MAMDC2: variants seen among roughly 807,000 people sequenced by gnomAD.
The protein encoded by MAMDC2 is MAM domain containing 2, also known as MAM domain-containing protein 2.
A neutral mutation model predicts 89.8 loss-of-function variants in MAMDC2; 57 were observed. The ratio of observed to expected loss-of-function variants is 0.63; its 90% CI spans 0.51 to 0.79. The LOEUF is 0.79. MAMDC2 is among the 30% of genes least tolerant of loss of function. The probability of loss-of-function intolerance (pLI) is 0.00; values close to 1 mark genes in which losing one functional copy is unlikely to be tolerated. For missense variants in MAMDC2, 800 were observed against 820.6 expected (o/e 0.97, Z 0.31); for synonymous variants, 313 against 293.4 (o/e 1.07, Z -0.68).
chr9:70,047,651 T>C (rs1402325860), intron 2 of MAMDC2, among the ~76,000 whole-genome samples: 1 of 152,214 alleles, frequency 6.6e-6, no homozygotes, highest in Non-Finnish European at 1.5e-5. Flanking sequence ...TAAATAGTGC[T>C]GCAATAAACA....
In MAMDC2 at chr9:70,044,720, G is replaced by A. The variant is rs1004290307; in HGVS notation, c.148+23G>A. Reference sequence around the variant, plus strand: ...AAGGTAAGGAGGCTCGGTGGAGAGGGGCGCGAAGTGAACTTTCTTCCTTGA... The same window carrying A: ...AAGGTAAGGAGGCTCGGTGGAGAGGAGCGCGAAGTGAACTTTCTTCCTTGA... On this transcript the variant is annotated intron_variant, in intron 2 of 13. Transcript: ENST00000377182. 21 of 1,510,438 alleles carry A rather than the reference G, an allele frequency of 1.4e-5. 1 individual carries two copies. Among genetic ancestry groups the A allele is most frequent in the Middle Eastern group, 1.7e-4 (1 of 5,928 alleles). 93.6% of individuals were successfully genotyped at this position (1,510,438 alleles called of 1,614,324 possible).
intron 2 of MAMDC2, among the ~76,000 whole-genome samples, chr9:70,078,611 G>T (rs1010390847): frequency 7.9e-5 from 12 of 152,156 alleles, no homozygotes; most frequent in Admixed American, 7.2e-4. Flanking sequence ...GGTGTGGGTT[G>T]TAGTACCCTG....
At chr9:70,104,009 A>G (rs1273827410) in intron 2 of MAMDC2, among the ~76,000 whole-genome samples, 1 of 152,088 alleles carries the variant, frequency 6.6e-6, no homozygotes, top group Non-Finnish European at 1.5e-5. Flanking sequence ...AGGTGAAAAG[A>G]CAAAGCACAG....
intron 2 of MAMDC2, among the ~76,000 whole-genome samples, chr9:70,056,700 AC>A (rs1827032253): frequency 1.3e-5 from 2 of 152,168 alleles, no homozygotes; most frequent in Admixed American, 1.3e-4. Context: ...ACAGATCGGT[AC>A]CGGTCTACTA....
intron 9 of MAMDC2, among the ~76,000 whole-genome samples, chr9:70,163,773 G>C (rs188957448): frequency 1.3e-5 from 2 of 151,506 alleles, no homozygotes; most frequent in African/African-American, 4.9e-5. Context: ...GGGCAACAAG[G>C]TGAAACCCTG....
chr9:70,116,495 C>T (rs575895762), intron 5 of MAMDC2, among the ~76,000 whole-genome samples: 3 of 87,448 alleles, frequency 3.4e-5, no homozygotes, highest in Non-Finnish European at 8.7e-5. Context: ...CCCTTAATTT[C>T]TTAGTGTCTC....
At chr9:70,182,887 C>A (rs2032674999) in intron 11 of MAMDC2, among the ~76,000 whole-genome samples, 1 of 152,060 alleles carries the variant, frequency 6.6e-6, no homozygotes, top group Non-Finnish European at 1.5e-5. Flanking sequence ...TTCTTGTCTT[C>A]TAGCTTTTGA....
chr9:70,168,648 G>T (rs2032239156), intron 9 of MAMDC2, 54 bp from the exon 10 acceptor site: 2 of 1,445,124 alleles, frequency 1.4e-6, no homozygotes, highest in African/African-American at 1.4e-5. Context: ...AGGTTGTTAG[G>T]AGTTTCCAGT....
At chr9:70,205,359 AAGTAT>A (rs2033203599) in intron 11 of MAMDC2, among the ~76,000 whole-genome samples, 1 of 152,206 alleles carries the variant, frequency 6.6e-6, no homozygotes, top group African/African-American at 2.4e-5. Flanking sequence ...AATCACTTAA[AAGTAT>A]AGTAAAGAGA....
chr9:70,206,622 T>C (rs914808897), intron 11 of MAMDC2, among the ~76,000 whole-genome samples: 1 of 152,086 alleles, frequency 6.6e-6, no homozygotes, highest in Admixed American at 6.6e-5. Flanking sequence ...TTTTTTTTGG[T>C]ATATATCTTT....
chr9:70,195,669 T>C (rs937414780), intron 11 of MAMDC2, among the ~76,000 whole-genome samples: 3 of 152,096 alleles, frequency 2.0e-5, no homozygotes, highest in African/African-American at 4.8e-5. Flanking sequence ...TCTCTGACCA[T>C]GAGTCACTTA....
intron 2 of MAMDC2, among the ~76,000 whole-genome samples, chr9:70,053,493 C>T (rs1826959817): frequency 6.6e-6 from 1 of 152,190 alleles, no homozygotes; most frequent in Non-Finnish European, 1.5e-5. Flanking sequence ...GTCATGGTCC[C>T]TGCCCTTGGT....
chr9:70,100,246 CA>C (rs1828149945), intron 2 of MAMDC2, among the ~76,000 whole-genome samples: 1 of 152,040 alleles, frequency 6.6e-6, no homozygotes, highest in Non-Finnish European at 1.5e-5. Context: ...CTCACTTTAC[CA>C]AAGAAGAAAG....
chr9:70,142,645 T>C (rs2871291), intron 8 of MAMDC2, among the ~76,000 whole-genome samples: 19,477 of 152,004 alleles, frequency 0.13, 1,406 homozygotes, highest in South Asian at 0.24. Flanking sequence ...TGAGGGGTCT[T>C]TTCCTGGCTT....
At chr9:70,144,131 GTC>G (rs2031318167) in intron 9 of MAMDC2, among the ~76,000 whole-genome samples, 2 of 149,104 alleles carry the variant, frequency 1.3e-5, no homozygotes, top group Non-Finnish European at 3.0e-5. Flanking sequence ...TGAAACTTTA[GTC>G]ATAATTCTCT....
intron 11 of MAMDC2, among the ~76,000 whole-genome samples, chr9:70,186,364 T>C (rs2032755587): frequency 6.6e-6 from 1 of 152,156 alleles, no homozygotes; most frequent in Non-Finnish European, 1.5e-5. Flanking sequence ...TTTCAGTTTT[T>C]GTTTGTCTGG....
At chr9:70,074,992 G>A (rs1827499603) in intron 2 of MAMDC2, among the ~76,000 whole-genome samples, 1 of 152,164 alleles carries the variant, frequency 6.6e-6, no homozygotes, top group Non-Finnish European at 1.5e-5. Context: ...CAGGAGTTCT[G>A]TTACCATGGA....
chr9:70,191,314 G>C (rs185982451), intron 11 of MAMDC2, among the ~76,000 whole-genome samples: 24 of 151,754 alleles, frequency 1.6e-4, no homozygotes, highest in African/African-American at 5.8e-4. Context: ...TGATTTTTTT[G>C]CTTTTGAACA....
rs575124655 is a variant in MAMDC2, at chr9:70,199,547, G to C, written c.1652-18790G>C. 2.9e-3 allele frequency among the ~76,000 whole-genome samples: 404 copies of C among 140,042 alleles called. 1 individual carries two copies. Among genetic ancestry groups the C allele is most frequent in the African/African-American group, 0.01 (391 of 38,148 alleles). 91.9% of individuals were successfully genotyped at this position (140,042 alleles called of 152,430 possible). A position where few individuals can be genotyped will look rare whatever the true frequency, so the allele number is the denominator to read the frequency against. On this transcript the variant is annotated intron_variant, in intron 11 of 13. Coordinates refer to ENST00000377182, the MANE Select transcript of MAMDC2 (RefSeq NM_153267.5). The stretch of plus-strand genomic sequence containing the variant: ...TGTCTTTATAGCAGCATGATTTATA[G>C]TCATTTGGGTATATACCCAGTAATG...
Sources: gnomAD v4.1 joint callset for allele counts (sites outside exome capture counted in the v4.1 genomes callset) on GRCh38, gnomAD v4.1.1 for gene constraint, MANE v1.5 for transcripts, NCBI Gene and HGNC (gene_info 2026-07-23, HGNC 2026-07-21) for gene names.